Variants in BIRC6 observed in about 807,000 individuals in gnomAD.
BIRC6 encodes the protein dual E2 ubiquitin-conjugating enzyme/E3 ubiquitin-protein ligase BIRC6.
A neutral mutation model predicts 503.3 loss-of-function variants in BIRC6; 98 were observed. The ratio of observed to expected loss-of-function variants is 0.19; its 90% CI spans 0.17 to 0.23. The LOEUF is 0.23. BIRC6 is among the 10% of genes least tolerant of loss of function. BIRC6 has a pLI of 1.00. For synonymous variants in BIRC6, 2,240 were observed against 2,078.7 expected (o/e 1.08, Z -2.11); for missense variants, 5,360 against 5,806.0 (o/e 0.92, Z 2.50).
chr2:32,548,912 A>G (rs2058246528), intron 64 of BIRC6: 1 of 154,384 alleles, frequency 6.5e-6, no homozygotes. Flanking sequence ...TGCATCAGCT[A>G]ATTGAAGTTC....
Position 32,525,001 on chromosome 2 carries a change from A to G in BIRC6, c.11737A>G (p.Ser3913Gly). The G allele has an allele frequency of 4.5e-6, 7 of 1,564,304 alleles. No individual in the cohort carries two copies. Among genetic ancestry groups the G allele is most frequent in the Non-Finnish European group, 6.0e-6 (7 of 1,159,600 alleles). The change falls in exon 58 of 74, where the codon AGT (serine) becomes GGT (glycine). Residue 3913 changes from serine to glycine, a missense_variant. Physicochemically the swap from Ser to Gly is moderately conservative, Grantham distance 56. Transcript: ENST00000421745. ...GGAAAATGGATTTCAAGACAATTAC[A>G]GTGTTGTTGTTGCCTCTGGTATGCT... ...KAENGFQDNY[S>G]VVVASGLKSQ...
In BIRC6 at chr2:32,433,720, G is replaced by C. The variant is rs576975385; in HGVS notation, c.3325G>C (p.Val1109Leu). 1 of 1,605,082 alleles carries C rather than the reference G, an allele frequency of 6.2e-7. No homozygotes were observed. Among genetic ancestry groups the C allele is most frequent in the African/African-American group, 1.3e-5 (1 of 74,950 alleles). The part of the protein sequence containing the change: ...CMVGHVDFKF[V>L]LNSNITNIPQ... Reference sequence around the variant, plus strand: ...GGTTGGACATGTGGACTTCAAATTCGTTTTGAACTCAAACATCACCAATAT... The same window carrying C: ...GGTTGGACATGTGGACTTCAAATTCCTTTTGAACTCAAACATCACCAATAT... Residue 1109 changes from valine to leucine, a missense_variant, in exon 13 of 74, where the codon GTT becomes CTT. Around this residue, in one of 16 missense-constraint regions of BIRC6, gnomAD observed 2,299 missense variants for 2,267.2 expected, o/e 1.01. Transcript: ENST00000421745.
intron 66 of BIRC6, among the ~76,000 whole-genome samples, chr2:32,576,888 G>C (rs2060303914): frequency 6.6e-6 from 1 of 152,168 alleles, no homozygotes; most frequent in African/African-American, 2.4e-5. Flanking sequence ...AGTTGGTAGA[G>C]ATAAAAAGTT....
At chr2:32,397,420 C>T (rs940444447) in intron 6 of BIRC6, among the ~76,000 whole-genome samples, 23 of 151,082 alleles carry the variant, frequency 1.5e-4, no homozygotes, top group South Asian at 2.1e-4. Flanking sequence ...TGCAGTGAGC[C>T]GAGATTGTAC....
chr2:32,421,112 C>CT (rs779700746), intron 10 of BIRC6, among the ~76,000 whole-genome samples: 1,706 of 132,270 alleles, frequency 0.013, 15 homozygotes, highest in African/African-American at 0.026. Flanking sequence ...TTCTTTCTTT[C>CT]TTTTTTTTTT....
intron 65 of BIRC6, among the ~76,000 whole-genome samples, chr2:32,560,256 T>C (rs2150659796): frequency 6.6e-6 from 1 of 152,362 alleles, no homozygotes; most frequent in East Asian, 1.9e-4. Context: ...AATTTAAAGT[T>C]CTTTTTAAAA....
intron 65 of BIRC6, among the ~76,000 whole-genome samples, chr2:32,571,040 G>T (rs1326900552): frequency 6.6e-6 from 1 of 151,892 alleles, no homozygotes; most frequent in South Asian, 2.1e-4. Flanking sequence ...CGATCTCTTG[G>T]TCTCAAGTGA....
rs1298050450 is a variant in BIRC6 at position 32,593,910 on chromosome 2, T to C, written c.13356-5T>C. 1 of 1,604,256 alleles carries C rather than the reference T, an allele frequency of 6.2e-7. No homozygotes were observed. The highest frequency in any genetic ancestry group is 8.5e-7 in the Non-Finnish European group (1 of 1,176,914). ...TGCTTTTCTTTCCATATTAAAAAAATTCAGATCTAAAAGGGAAAATGTTAA... is the reference window on the plus strand; with the variant it reads ...TGCTTTTCTTTCCATATTAAAAAAACTCAGATCTAAAAGGGAAAATGTTAA... On this transcript the variant is annotated splice_polypyrimidine_tract_variant and splice_region_variant and intron_variant, in intron 66 of 73. Transcript: ENST00000421745.
At chr2:32,384,358 G>A (rs1011093879) in intron 3 of BIRC6, among the ~76,000 whole-genome samples, 1 of 151,758 alleles carries the variant, frequency 6.6e-6, no homozygotes, top group African/African-American at 2.4e-5. Flanking sequence ...ATGATACACA[G>A]TAAGACCAGT....
chr2:32,554,023 G>A (rs1257848355), intron 65 of BIRC6, among the ~76,000 whole-genome samples: 2 of 151,936 alleles, frequency 1.3e-5, no homozygotes, highest in East Asian at 3.9e-4. Flanking sequence ...GTATAGTATG[G>A]AGTTACCCCT....
chr2:32,468,129 AT>A lies in BIRC6; in HGVS notation c.5780+22del, dbSNP rs1558812447. ...CAGTGCAGGTTAGTACAGAGTGCAA[AT>A]TTTAATGTTATTGAAACTTTGTATT... On this transcript the variant is annotated intron_variant, in intron 28 of 73. Transcript: ENST00000421745. 2.5e-6 allele frequency: 4 copies of A among 1,606,776 alleles called. No homozygotes were observed. The East Asian group carries it at 8.9e-5, about 36-fold the overall frequency.
At chr2:32,383,895 G>GGC (rs1366332155) in intron 3 of BIRC6, among the ~76,000 whole-genome samples, 2 of 152,126 alleles carry the variant, frequency 1.3e-5, no homozygotes, top group African/African-American at 4.8e-5. Flanking sequence ...AGTACTAAGG[G>GGC]GCATCCTAGA....
intron 66 of BIRC6, among the ~76,000 whole-genome samples, 184 bp downstream of exon 66, chr2:32,575,550 G>T (rs891440247): frequency 1.3e-5 from 2 of 152,126 alleles, no homozygotes; most frequent in South Asian, 2.1e-4. Context: ...GGATCACGAG[G>T]TCAGGAGATC....
chr2:32,537,159 G>T (rs2057301333), intron 61 of BIRC6, among the ~76,000 whole-genome samples: 1 of 152,082 alleles, frequency 6.6e-6, no homozygotes, highest in African/African-American at 2.4e-5. Flanking sequence ...GAGATTTTGG[G>T]CTGAGACGAT....
At chr2:32,460,275 T>G (rs1218437330) in intron 23 of BIRC6, among the ~76,000 whole-genome samples, 1 of 56,904 alleles carries the variant, frequency 1.8e-5, no homozygotes, top group East Asian at 4.2e-4. Context: ...TATATATATT[T>G]TTTTTTTTTT....
rs776070187 is a variant in BIRC6, at chr2:32,485,635, T to A, written c.7697-8T>A. On this transcript the variant is annotated splice_region_variant and splice_polypyrimidine_tract_variant and intron_variant, in intron 39 of 73. Coordinates refer to ENST00000421745, the MANE Select transcript of BIRC6 (RefSeq NM_016252.4). ...ATGTTTTCTTTTTCTTTCAATTGCT[T>A]TTTGTAGCCCTGGATGCTCGCCTAG... The A allele has an allele frequency of 3.8e-6, 6 of 1,588,644 alleles. No individual in the cohort carries two copies. The South Asian group carries it at 6.7e-5, about 18-fold the overall frequency.
At chr2:32,545,883 C>T (rs1365966700) in intron 63 of BIRC6, 23 bp downstream of exon 63, 5 of 1,588,434 alleles carry the variant, frequency 3.1e-6, no homozygotes, top group African/African-American at 1.3e-5. Flanking sequence ...TTAATTATTT[C>T]AGTTATTAAA....
Position 32,599,414 on chromosome 2 carries a change from C to T in BIRC6, c.13831-325C>T, listed in dbSNP as rs559489908. Among the ~76,000 whole-genome samples, 13 of 151,542 alleles carry T rather than the reference C, an allele frequency of 8.6e-5. No homozygotes were observed. In the East Asian group the frequency reaches 1.6e-3, roughly 18 times the overall value. ...CAGTGCTTAGGGAGGCCTATGCAAG[C>T]GGATCACTTGAGGCTAGGAGTTTGA... On this transcript the variant is annotated intron_variant, in intron 69 of 73. Transcript: ENST00000421745.
intron 62 of BIRC6, among the ~76,000 whole-genome samples, chr2:32,544,377 T>A (rs1482952154): frequency 6.6e-6 from 1 of 151,974 alleles, no homozygotes; most frequent in Non-Finnish European, 1.5e-5. Flanking sequence ...CTGTGATGAT[T>A]GTTTCCATTG....
Sources: allele counts gnomAD v4.1 joint callset (sites outside exome capture counted in the v4.1 genomes callset), GRCh38; gene constraint gnomAD v4.1.1; regional missense constraint gnomAD v4.1.1; transcripts MANE v1.5; gene names NCBI Gene and HGNC (gene_info 2026-07-23, HGNC 2026-07-21).